XK: variants seen among roughly 807,000 people sequenced by gnomAD.
XK encodes the protein X-linked Kx blood group antigen, Kell and VPS13A binding protein, also known as endoplasmic reticulum membrane adapter protein XK.
In XK, 2 loss-of-function variants were observed where a neutral mutation model predicts 14.0. That is an observed-to-expected ratio of 0.14 (90% CI 0.06 to 0.45). The LOEUF is 0.45. Among genes scored for constraint, XK ranks in the 20% least tolerant of loss-of-function variants. The probability of loss-of-function intolerance (pLI) is 0.98; values close to 1 mark genes in which losing one functional copy is unlikely to be tolerated. For missense variants in XK, 235 were observed against 341.5 expected, an observed-to-expected ratio of 0.69 and a Z score of 2.46; for synonymous variants, 149 against 147.5, an observed-to-expected ratio of 1.01 and a Z score of -0.08.
rs1289172473 is a variant in XK, at chrX:37,732,026, T to C, written c.*3564T>C. On this transcript the variant is annotated 3_prime_UTR_variant, in exon 3 of 3. Coordinates refer to ENST00000378616, the MANE Select transcript of XK (RefSeq NM_021083.4). ...GTGCCAGTACTTACCAGTCAATGCA[T>C]TGTGGATATGAGCTTTCGTTGACTG... 3.6e-5 allele frequency: 4 copies of C among 111,728 alleles called. No individual in the cohort carries two copies. Among genetic ancestry groups the C allele is most frequent in the Non-Finnish European group, 5.7e-5 (3 of 53,035 alleles). 9.2% of individuals were successfully genotyped at this position (111,728 alleles called of 1,213,427 possible).
In XK at chrX:37,711,025, C is replaced by T. The variant is rs782403725; in HGVS notation, c.508+16477C>T. Among the ~76,000 whole-genome samples the T allele has an allele frequency of 7.2e-5, 8 of 111,846 alleles. No individual in the cohort carries two copies. In the South Asian group the frequency reaches 1.1e-3, roughly 16 times the overall value. On this transcript the variant is annotated intron_variant, in intron 2 of 2. Transcript: ENST00000378616. ...CAGGGGTCCTCACAGCCTCATCCTT[C>T]GGCAAAACCACTCAGTTGAGGAAGC...
chrX:37,691,749 T>G (rs781797482), intron 1 of XK, among the ~76,000 whole-genome samples: 3 of 112,520 alleles, frequency 2.7e-5, no homozygotes, highest in Non-Finnish European at 3.7e-5. Context: ...AAATATATGA[T>G]TCTATTGTAA....
At chrX:37,708,270 G>A (rs1222885366) in intron 2 of XK, among the ~76,000 whole-genome samples, 1 of 111,748 alleles carries the variant, frequency 8.9e-6, no homozygotes, top group Non-Finnish European at 1.9e-5. Flanking sequence ...AGAGGCAGCA[G>A]CAGGCTTGAT....
intron 2 of XK, among the ~76,000 whole-genome samples, chrX:37,695,193 A>G (rs782630445): frequency 1.8e-5 from 2 of 112,190 alleles, no homozygotes; most frequent in African/African-American, 6.5e-5. Context: ...TAGAAAATAC[A>G]GTTTACCAGA....
chrX:37,692,133 A>G (rs1927215130), intron 1 of XK, among the ~76,000 whole-genome samples: 2 of 112,073 alleles, frequency 1.8e-5, no homozygotes, highest in South Asian at 7.4e-4. Context: ...GCATTTTGCT[A>G]TTATACATAA....
chrX:37,724,930 A>G (rs1556449728), intron 2 of XK, among the ~76,000 whole-genome samples: 2 of 111,594 alleles, frequency 1.8e-5, no homozygotes, highest in Admixed American at 1.9e-4. Context: ...TCAGGGAAAT[A>G]CAAATTAAAA....
chrX:37,717,674 G>T (rs901027607), intron 2 of XK, among the ~76,000 whole-genome samples: 17 of 111,359 alleles, frequency 1.5e-4, no homozygotes, highest in Admixed American at 7.6e-4. Context: ...CATAGTATTT[G>T]TTCTCACAAT....
Position 37,722,786 on chromosome X carries a change from T to C in XK, c.509-4850T>C, listed in dbSNP as rs139647955. Among the ~76,000 whole-genome samples the C allele has an allele frequency of 7.8e-4, 88 of 112,192 alleles. 1 individual carries two copies. In the East Asian group the frequency reaches 0.024, roughly 30 times the overall value. The stretch of plus-strand genomic sequence containing the variant: ...CCATCTTACAGCCAGACTCTGTTAT[T>C]TCTCTAAAGCAACAGACACACTGTT... On this transcript the variant is annotated intron_variant, in intron 2 of 2. Transcript: ENST00000378616.
chrX:37,705,236 G>A (rs949874366), intron 2 of XK, among the ~76,000 whole-genome samples: 11 of 109,761 alleles, frequency 1.0e-4, no homozygotes. Context: ...ACGAGGTCAG[G>A]AGATCAAGAC....
intron 2 of XK, among the ~76,000 whole-genome samples, chrX:37,727,382 T>C (rs895547280): frequency 9.0e-6 from 1 of 111,288 alleles, no homozygotes; most frequent in Non-Finnish European, 1.9e-5. Context: ...TGGGCTGGAA[T>C]TGGGGCATTG....
chrX:37,692,819 C>T (rs937232096), intron 1 of XK, among the ~76,000 whole-genome samples: 3 of 112,356 alleles, frequency 2.7e-5, no homozygotes, highest in Non-Finnish European at 3.8e-5. Context: ...TTCAATTGGA[C>T]GTGCTTGGGA....
At chrX:37,704,139 G>A (rs992792539) in intron 2 of XK, among the ~76,000 whole-genome samples, 3 of 111,884 alleles carry the variant, frequency 2.7e-5, no homozygotes, top group Non-Finnish European at 5.6e-5. Flanking sequence ...AGGTAGTGAC[G>A]TTTTTCATGG....
intron 2 of XK, among the ~76,000 whole-genome samples, chrX:37,701,302 C>A (rs1556443800): frequency 8.9e-6 from 1 of 112,598 alleles, no homozygotes; most frequent in Non-Finnish European, 1.9e-5. Flanking sequence ...TAGAAATAAC[C>A]TATGTAATTC....
intron 2 of XK, among the ~76,000 whole-genome samples, chrX:37,709,125 A>G (rs1556446123): frequency 8.9e-6 from 1 of 112,151 alleles, no homozygotes; most frequent in African/African-American, 3.2e-5. Context: ...TGTGGCAGAA[A>G]TGAACATGTT....
chrX:37,703,962 T>TA (rs1231128513), intron 2 of XK, among the ~76,000 whole-genome samples: 1 of 112,024 alleles, frequency 8.9e-6, no homozygotes, highest in East Asian at 2.8e-4. Context: ...TTTGCAAACT[T>TA]AGATTTTGTT....
intron 2 of XK, among the ~76,000 whole-genome samples, chrX:37,725,412 A>G (rs1556449809): frequency 8.9e-6 from 1 of 111,918 alleles, no homozygotes; most frequent in African/African-American, 3.2e-5. Flanking sequence ...CTTTAAATAT[A>G]TTGGCAAAAA....
At chrX:37,719,158 A>G (rs5964000) in intron 2 of XK, among the ~76,000 whole-genome samples, 18,373 of 110,477 alleles carry the variant, frequency 0.17, 1,095 homozygotes, top group South Asian at 0.2. Flanking sequence ...TCCAGCTTCC[A>G]TTATTTCTGT....
At chrX:37,687,158 ATCTCTC>A (rs782029572) in intron 1 of XK, among the ~76,000 whole-genome samples, 8 of 101,129 alleles carry the variant, frequency 7.9e-5, no homozygotes, top group Middle Eastern at 5.1e-3. Flanking sequence ...CTACCAGGAA[ATCTCTC>A]TCTCTCTCTC....
intron 2 of XK, among the ~76,000 whole-genome samples, chrX:37,697,304 A>G (rs781998571): frequency 8.9e-6 from 1 of 112,469 alleles, no homozygotes; most frequent in African/African-American, 3.2e-5. Flanking sequence ...GCAAAGTTTG[A>G]GAACATTGGA....
Sources: gnomAD v4.1 joint callset for allele counts (sites outside exome capture counted in the v4.1 genomes callset) on GRCh38, gnomAD v4.1.1 for gene constraint, MANE v1.5 for transcripts, NCBI Gene and HGNC (gene_info 2026-07-23, HGNC 2026-07-21) for gene names.